TPD52: variants seen among roughly 807,000 people sequenced by gnomAD.
The protein encoded by TPD52 is tumor protein D52, also known as prostate and colon associated protein.
Under a neutral mutation model 31.3 loss-of-function variants are expected in TPD52, and 17 were observed. The ratio of observed to expected loss-of-function variants is 0.54; its 90% CI spans 0.37 to 0.82. TPD52 has a LOEUF of 0.82. Ranked by LOEUF, TPD52 falls within the 40% of genes least tolerant of loss-of-function variation. TPD52 has a pLI of 0.00. For synonymous variants in TPD52, 83 were observed against 89.6 expected (o/e 0.93, Z 0.42); for missense variants, 212 against 240.1 (o/e 0.88, Z 0.77).
At chr8:80,155,868 A>G (rs1337184033) in intron 1 of TPD52, among the ~76,000 whole-genome samples, 1 of 150,960 alleles carries the variant, frequency 6.6e-6, no homozygotes, top group African/African-American at 2.5e-5. Context: ...GGACAACAAG[A>G]GGAAAACTTC....
chr8:80,127,819 C>G (rs1808729779), intron 1 of TPD52: 1 of 130,462 alleles, frequency 7.7e-6, no homozygotes, highest in African/African-American at 2.6e-5. Context: ...CACACACACA[C>G]ACACACACAC....
intron 1 of TPD52, among the ~76,000 whole-genome samples, chr8:80,126,331 TTTTTC>T (rs1808592170): frequency 6.6e-6 from 1 of 151,922 alleles, no homozygotes; most frequent in African/African-American, 2.4e-5. Flanking sequence ...TGCTTTTTTA[TTTTTC>T]TTTTCATTTT....
intron 1 of TPD52, among the ~76,000 whole-genome samples, chr8:80,143,412 G>T (rs112752084): frequency 6.6e-6 from 1 of 152,134 alleles, no homozygotes; most frequent in African/African-American, 2.4e-5. Flanking sequence ...ATAGACTTAC[G>T]TATAACCCCA....
At chr8:80,091,557 GAGAACACC>G (rs1319859152) in intron 1 of TPD52, among the ~76,000 whole-genome samples, 1 of 152,034 alleles carries the variant, frequency 6.6e-6, no homozygotes, top group African/African-American at 2.4e-5. Context: ...GTCAGATCAT[GAGAACACC>G]AGAAAATAGT....
At chr8:80,152,509 G>A (rs1477255688) in intron 1 of TPD52, among the ~76,000 whole-genome samples, 3 of 152,086 alleles carry the variant, frequency 2.0e-5, no homozygotes, top group Admixed American at 6.6e-5. Flanking sequence ...AGCCGGGAGC[G>A]GTGGCTCATG....
chr8:80,119,066 A>C (rs1222274629), intron 1 of TPD52, among the ~76,000 whole-genome samples: 1 of 152,234 alleles, frequency 6.6e-6, no homozygotes, highest in Non-Finnish European at 1.5e-5. Flanking sequence ...CATGTATACA[A>C]GGGAATATTA....
intron 1 of TPD52, among the ~76,000 whole-genome samples, chr8:80,097,044 C>T (rs1325585846): frequency 1.3e-5 from 2 of 152,198 alleles, no homozygotes; most frequent in Non-Finnish European, 2.9e-5. Context: ...ATTACAAGTG[C>T]TACTCCAGTG....
chr8:80,160,586 G>C (rs1332297161), intron 1 of TPD52, among the ~76,000 whole-genome samples: 1 of 152,096 alleles, frequency 6.6e-6, no homozygotes, highest in Non-Finnish European at 1.5e-5. Flanking sequence ...CAAAATGTTT[G>C]CATTTTTCCC....
chr8:80,159,984 G>T (rs1209574578), intron 1 of TPD52, among the ~76,000 whole-genome samples: 2 of 152,056 alleles, frequency 1.3e-5, no homozygotes, highest in Non-Finnish European at 2.9e-5. Flanking sequence ...TGAGCCCAGG[G>T]GTTCGAGACC....
intron 1 of TPD52, among the ~76,000 whole-genome samples, chr8:80,087,786 C>G (rs1010175437): frequency 2.6e-5 from 4 of 152,208 alleles, no homozygotes; most frequent in African/African-American, 9.7e-5. Context: ...AGTGGGGACC[C>G]TGTTGCACAG....
intron 1 of TPD52, among the ~76,000 whole-genome samples, chr8:80,092,751 G>A (rs1267771070): frequency 3.4e-5 from 5 of 147,656 alleles, no homozygotes; most frequent in African/African-American, 1.0e-4. Flanking sequence ...CACAAATTCC[G>A]TGTTATACAC....
chr8:80,161,382 A>C (rs1811351184), intron 1 of TPD52, among the ~76,000 whole-genome samples: 1 of 152,166 alleles, frequency 6.6e-6, no homozygotes, highest in African/African-American at 2.4e-5. Context: ...TTTTCTATCC[A>C]AATCCATCTG....
rs1289753471 is a variant in TPD52 at position 80,101,170 on chromosome 8, G to A, written c.20-36577C>T. ...ATAAACATAATAAAGAATTAAGGCC[G>A]GGCGCGGTGGCTCACGCCTGTAATC... On this transcript the variant is annotated intron_variant, in intron 1 of 7. Transcript: ENST00000518937. Among the ~76,000 whole-genome samples the A allele has an allele frequency of 4.6e-5, 7 of 152,160 alleles. No individual in the cohort carries two copies. The East Asian group carries it at 5.8e-4, about 13-fold the overall frequency.
intron 1 of TPD52, among the ~76,000 whole-genome samples, chr8:80,134,443 A>AT (rs1284619483): frequency 6.6e-6 from 1 of 152,236 alleles, no homozygotes; most frequent in Non-Finnish European, 1.5e-5. Context: ...TGAACTAGGC[A>AT]TGACATTAAT....
chr8:80,068,316 C>G (rs1354478753), intron 1 of TPD52, among the ~76,000 whole-genome samples: 1 of 152,150 alleles, frequency 6.6e-6, no homozygotes, highest in Non-Finnish European at 1.5e-5. Context: ...TTGGGTCTTT[C>G]TGTCTCTCGA....
At chr8:80,071,199 C>T (rs972902402) in intron 1 of TPD52, among the ~76,000 whole-genome samples, 2 of 152,136 alleles carry the variant, frequency 1.3e-5, no homozygotes, top group Admixed American at 1.3e-4. Flanking sequence ...GGTGATAAGC[C>T]ACCCAGAATG....
intron 1 of TPD52, among the ~76,000 whole-genome samples, chr8:80,094,018 G>GT: frequency 6.6e-6 from 1 of 152,158 alleles, no homozygotes; most frequent in East Asian, 1.9e-4. Flanking sequence ...AATAACTGCT[G>GT]TATTAATCAC....
intron 1 of TPD52, among the ~76,000 whole-genome samples, chr8:80,126,133 T>C (rs1808580806): frequency 1.3e-5 from 2 of 152,200 alleles, no homozygotes; most frequent in Non-Finnish European, 2.9e-5. Flanking sequence ...TTATTTAATA[T>C]CTATATTTTG....
chr8:80,048,242 C>G (rs1443156400), intron 5 of TPD52, among the ~76,000 whole-genome samples: 1 of 152,086 alleles, frequency 6.6e-6, no homozygotes, highest in South Asian at 2.1e-4. Context: ...TATACATCTC[C>G]CTCCCCTCAA....
Sources: gnomAD v4.1 joint callset for allele counts (sites outside exome capture counted in the v4.1 genomes callset) on GRCh38, gnomAD v4.1.1 for gene constraint, MANE v1.5 for transcripts, NCBI Gene and HGNC (gene_info 2026-07-23, HGNC 2026-07-21) for gene names.